Variants in CCDC141 observed in about 807,000 individuals in gnomAD.
CCDC141 encodes coiled-coil domain containing 141.
A neutral mutation model predicts 181.0 loss-of-function variants in CCDC141; 168 were observed. That is an observed-to-expected ratio of 0.93 (90% CI 0.82 to 1.05). The LOEUF (loss-of-function observed/expected upper bound fraction) is 1.05. CCDC141 is among the 50% of genes least tolerant of loss of function. The probability of loss-of-function intolerance (pLI) is 0.00; values close to 1 mark genes in which losing one functional copy is unlikely to be tolerated. For missense variants in CCDC141, 1,902 were observed against 1,788.5 expected (o/e 1.06, Z -1.14); for synonymous variants, 666 against 642.3 (o/e 1.04, Z -0.56).
At chr2:178,973,558 A>G (rs1690992059) in intron 4 of CCDC141, among the ~76,000 whole-genome samples, 1 of 152,168 alleles carries the variant, frequency 6.6e-6, no homozygotes, top group African/African-American at 2.4e-5. Context: ...ACTGGCCCAC[A>G]GTGCCGCAGA....
Position 178,871,555 on chromosome 2 carries a change from G to A in CCDC141, c.2080-3C>T. ...AGAAGTTTTAAGTTGTGAGAAGTCT[G>A]AAATAAATATTGGACAGTTACACAT... On this transcript the variant is annotated splice_polypyrimidine_tract_variant and splice_region_variant and intron_variant, in intron 13 of 23. Coordinates refer to ENST00000443758, the MANE Select transcript of CCDC141 (RefSeq NM_173648.4). The A allele has an allele frequency of 6.2e-7, 1 of 1,612,864 alleles. No homozygotes were observed.
intron 2 of CCDC141, among the ~76,000 whole-genome samples, chr2:179,043,291 G>T (rs1159996159): frequency 6.6e-6 from 1 of 152,140 alleles, no homozygotes; most frequent in South Asian, 2.1e-4. Context: ...TCTATCAGAG[G>T]TATAAAGAAG....
intron 6 of CCDC141, among the ~76,000 whole-genome samples, chr2:178,922,628 A>G (rs373032950): frequency 1.8e-4 from 27 of 152,372 alleles, no homozygotes; most frequent in African/African-American, 6.5e-4. Context: ...TTTACAGCCC[A>G]AACTTAGACT....
At chr2:178,815,741 T>G in the CCDC141 span, among the ~76,000 whole-genome samples, 3 of 152,208 alleles carry the variant, frequency 2.0e-5, no homozygotes, top group Admixed American at 2.0e-4. Flanking sequence ...CCTAATACAA[T>G]GTAAGTGCTA....
In CCDC141 at chr2:179,004,865, G is replaced by T. The variant is rs374163983; in HGVS notation, c.226-26190C>A. On this transcript the variant is annotated intron_variant, in intron 2 of 23. Transcript: ENST00000443758. ...CCTGCCTCGGCCCCACCTAGTAGCT[G>T]GGATTATAGGCACACGCCAGTGTGC... 1.4e-4 allele frequency among the ~76,000 whole-genome samples: 22 copies of T among 152,242 alleles called. No individual in the cohort carries two copies. The South Asian group carries it at 4.6e-3, about 32-fold the overall frequency.
At chr2:178,877,332 TA>T (rs887019964) in intron 12 of CCDC141, 1 of 152,062 alleles carries the variant, frequency 6.6e-6, no homozygotes, top group Non-Finnish European at 1.5e-5. Context: ...TATTTAACAT[TA>T]AAAAAAGAAG....
At chr2:179,036,329 G>A (rs563221213) in intron 2 of CCDC141, among the ~76,000 whole-genome samples, 93 of 152,252 alleles carry the variant, frequency 6.1e-4, no homozygotes, top group African/African-American at 2.1e-3. Context: ...TGTGATATCC[G>A]GAATATTATG....
intron 5 of CCDC141, among the ~76,000 whole-genome samples, chr2:178,955,490 G>GT (rs1483110279): frequency 6.6e-6 from 1 of 151,934 alleles, no homozygotes; most frequent in African/African-American, 2.4e-5. Context: ...TTTAAATTGT[G>GT]TTATATTCAA....
chr2:178,980,068 T>C (rs1691301289), intron 2 of CCDC141, among the ~76,000 whole-genome samples: 1 of 152,154 alleles, frequency 6.6e-6, no homozygotes, highest in Admixed American at 6.5e-5. Flanking sequence ...CAGGTTAGAT[T>C]AAAATATTAG....
Position 179,038,443 on chromosome 2 carries a change from G to A in CCDC141, c.225+8841C>T, listed in dbSNP as rs557313568. ...GTTTTGGAAATACATAGTGGTGATG[G>A]TTGCACAACATTGTGAATGTAATTA... On this transcript the variant is annotated intron_variant, in intron 2 of 23. Transcript: ENST00000443758. Among the ~76,000 whole-genome samples, 4 of 152,074 alleles carry A rather than the reference G, an allele frequency of 2.6e-5. No individual in the cohort carries two copies. In the South Asian group the frequency reaches 8.3e-4, roughly 32 times the overall value.
At chr2:178,873,788 G>A (rs1188213990) in intron 12 of CCDC141, 1 of 152,134 alleles carries the variant, frequency 6.6e-6, no homozygotes, top group Non-Finnish European at 1.5e-5. Context: ...TCATAATCCA[G>A]TCTAAACAGG....
intron 4 of CCDC141, among the ~76,000 whole-genome samples, chr2:178,969,104 CAAAAAAAAA>C (rs55999054): frequency 3.9e-5 from 2 of 51,172 alleles, no homozygotes; most frequent in African/African-American, 7.8e-5. Flanking sequence ...GCTTACCAAC[CAAAAAAAAA>C]AAAAAAAAAA....
Position 178,989,605 on chromosome 2 carries a change from AAAATAAAT to A in CCDC141, c.226-10938_226-10931del, listed in dbSNP as rs566226723. Among the ~76,000 whole-genome samples, 324 of 136,900 alleles carry A rather than the reference AAAATAAAT, an allele frequency of 2.4e-3. 2 individuals carry two copies. The highest frequency in any genetic ancestry group is 8.9e-3 in the African/African-American group (313 of 35,242). 89.8% of individuals were successfully genotyped at this position (136,900 alleles called of 152,430 possible). ...CAAGACCCTGCCTCAAAAAAAAAAA[AAAATAAAT>A]AAATAAATAAATAAATAAATAAATA... is the stretch of plus-strand genomic sequence containing the variant. On this transcript the variant is annotated intron_variant, in intron 2 of 23. Coordinates refer to ENST00000443758, the MANE Select transcript of CCDC141 (RefSeq NM_173648.4).
chr2:178,924,121 G>A (rs1237145918), intron 6 of CCDC141, among the ~76,000 whole-genome samples: 2 of 152,184 alleles, frequency 1.3e-5, no homozygotes, highest in East Asian at 3.8e-4. Context: ...ACATCAGGTG[G>A]TAAATTTTCG....
chr2:178,939,494 T>TCTA (rs1329968906), intron 6 of CCDC141, among the ~76,000 whole-genome samples: 4 of 152,154 alleles, frequency 2.6e-5, no homozygotes, highest in Non-Finnish European at 5.9e-5. Context: ...TTGCTCACTT[T>TCTA]CTACCTTTTT....
chr2:178,825,552 G>A (rs1684110490), downstream of CCDC141: 2 of 151,794 alleles, frequency 1.3e-5, no homozygotes, highest in African/African-American at 4.8e-5. Flanking sequence ...TTCACATCAA[G>A]TATTCCCTCA....
At chr2:178,898,514 T>C (rs781661204) in intron 8 of CCDC141, among the ~76,000 whole-genome samples, 34 of 152,312 alleles carry the variant, frequency 2.2e-4, no homozygotes, top group Non-Finnish European at 5.0e-4. Context: ...GCCTTTAAAA[T>C]TAAAGTGGTT....
At chr2:178,865,710 C>G in intron 17 of CCDC141, 57 bp downstream of exon 17, 2 of 1,396,606 alleles carry the variant, frequency 1.4e-6, no homozygotes, top group Non-Finnish European at 1.9e-6. Flanking sequence ...TAGACACATG[C>G]TTTAGGTTCA....
intron 2 of CCDC141, among the ~76,000 whole-genome samples, chr2:179,012,156 C>A (rs903343705): frequency 6.6e-6 from 1 of 151,764 alleles, no homozygotes; most frequent in African/African-American, 2.4e-5. Context: ...AACAAACAAA[C>A]AAAATACAAA....
Sources: allele counts gnomAD v4.1 joint callset (sites outside exome capture counted in the v4.1 genomes callset), GRCh38; gene constraint gnomAD v4.1.1; transcripts MANE v1.5; gene names NCBI Gene and HGNC (gene_info 2026-07-23, HGNC 2026-07-21).